KCNIP4: variants seen among roughly 807,000 people sequenced by gnomAD.
The protein encoded by KCNIP4 is Kv channel-interacting protein 4.
KCNIP4 carries 12 observed loss-of-function variants against 34.0 expected under a neutral mutation model. The ratio of observed to expected loss-of-function variants is 0.35; its 90% CI spans 0.23 to 0.57. The LOEUF (loss-of-function observed/expected upper bound fraction) is 0.57, where lower values mean the gene tolerates loss of function less well. Among genes scored for constraint, KCNIP4 ranks in the 20% least tolerant of loss-of-function variants. The probability of loss-of-function intolerance (pLI) is 0.83; values close to 1 mark genes in which losing one functional copy is unlikely to be tolerated. For synonymous variants in KCNIP4, 124 were observed against 102.2 expected, an observed-to-expected ratio of 1.21 and a Z score of -1.29; for missense variants, 238 against 311.7, an observed-to-expected ratio of 0.76 and a Z score of 1.78.
chr4:20,898,535 A>G (rs1301482881), intron 1 of KCNIP4, among the ~76,000 whole-genome samples: 2 of 152,190 alleles, frequency 1.3e-5, no homozygotes. Context: ...CATAGTACCT[A>G]TCATTATAAA....
At chr4:21,184,326 A>G (rs2109331139) in intron 1 of KCNIP4, among the ~76,000 whole-genome samples, 1 of 152,338 alleles carries the variant, frequency 6.6e-6, no homozygotes, top group Middle Eastern at 3.4e-3. Flanking sequence ...TTAGAATAAC[A>G]GTAAGAATCT....
At chr4:21,879,744 T>C (rs1030830661) in intron 1 of KCNIP4, among the ~76,000 whole-genome samples, 1 of 152,218 alleles carries the variant, frequency 6.6e-6, no homozygotes, top group Non-Finnish European at 1.5e-5. Flanking sequence ...TAATAATCTA[T>C]TGATATGGTT....
At chr4:21,858,136 C>A (rs1486374659) in intron 1 of KCNIP4, among the ~76,000 whole-genome samples, 1 of 152,224 alleles carries the variant, frequency 6.6e-6, no homozygotes, top group Admixed American at 6.5e-5. Context: ...TCACCCTTGG[C>A]AGATATGGGA....
intron 1 of KCNIP4, among the ~76,000 whole-genome samples, chr4:21,088,296 G>T (rs1023425864): frequency 3.3e-5 from 5 of 152,028 alleles, no homozygotes; most frequent in African/African-American, 1.2e-4. Context: ...CTAAAATTAA[G>T]TTAGTTGGTT....
chr4:21,208,476 C>G lies in KCNIP4; in HGVS notation c.62-325767G>C, dbSNP rs542345665. On this transcript the variant is annotated intron_variant, in intron 1 of 8. Transcript: ENST00000382152. ...TAACCTGGTCCTCTAAGTTTGGTAT[C>G]AAATCACATTTCCTTGATCTTCTAA... Among the ~76,000 whole-genome samples, 4 of 152,268 alleles carry G rather than the reference C, an allele frequency of 2.6e-5. No homozygotes were observed. The South Asian group carries it at 8.3e-4, about 32-fold the overall frequency.
intron 1 of KCNIP4, among the ~76,000 whole-genome samples, chr4:21,481,732 T>G (rs1011591748): frequency 6.6e-6 from 1 of 152,198 alleles, no homozygotes; most frequent in African/African-American, 2.4e-5. Context: ...ACGGGGCCAC[T>G]TGTGGCTCAT....
chr4:20,846,953 A>G (rs888222174), intron 3 of KCNIP4, among the ~76,000 whole-genome samples: 3 of 152,166 alleles, frequency 2.0e-5, no homozygotes, highest in Non-Finnish European at 4.4e-5. Flanking sequence ...AGCTCCCCAG[A>G]TGGTTGCAAC....
At chr4:21,265,527 T>C (rs1449521682) in intron 1 of KCNIP4, among the ~76,000 whole-genome samples, 1 of 152,184 alleles carries the variant, frequency 6.6e-6, no homozygotes, top group Non-Finnish European at 1.5e-5. Context: ...TTAAGCCAGG[T>C]AAGAATGACA....
chr4:20,833,789 G>A (rs1180700058), intron 3 of KCNIP4, among the ~76,000 whole-genome samples: 1 of 152,188 alleles, frequency 6.6e-6, no homozygotes, highest in Non-Finnish European at 1.5e-5. Flanking sequence ...TAAGGGCCCT[G>A]CAGACTGAAT....
At chr4:20,846,632 C>T (rs1254579333) in intron 3 of KCNIP4, among the ~76,000 whole-genome samples, 1 of 151,914 alleles carries the variant, frequency 6.6e-6, no homozygotes, top group African/African-American at 2.4e-5. Flanking sequence ...AAAATAAGAC[C>T]TCTTACCTCT....
chr4:21,062,767 T>C (rs371066908), intron 1 of KCNIP4, among the ~76,000 whole-genome samples: 177 of 152,140 alleles, frequency 1.2e-3, no homozygotes, highest in African/African-American at 4.1e-3. Context: ...ATGTTTCAGT[T>C]TGAATTTGAA....
At chr4:21,051,016 A>G (rs537806975) in intron 1 of KCNIP4, among the ~76,000 whole-genome samples, 2 of 152,328 alleles carry the variant, frequency 1.3e-5, no homozygotes, top group South Asian at 4.1e-4. Context: ...CTAAGCTTCC[A>G]TAACATGCAT....
chr4:21,632,873 A>G (rs1045926860), intron 1 of KCNIP4, among the ~76,000 whole-genome samples: 11 of 152,200 alleles, frequency 7.2e-5, no homozygotes, highest in African/African-American at 2.7e-4. Flanking sequence ...CCATGAAAGC[A>G]TTAAAAACTA....
At chr4:20,738,296 T>C (rs1396651865) in intron 5 of KCNIP4, among the ~76,000 whole-genome samples, 3 of 152,212 alleles carry the variant, frequency 2.0e-5, no homozygotes, top group Admixed American at 2.0e-4. Flanking sequence ...AGTAATAATA[T>C]GTCATTAATT....
intron 3 of KCNIP4, among the ~76,000 whole-genome samples, chr4:20,827,396 C>A (rs548268395): frequency 1.3e-5 from 2 of 152,126 alleles, no homozygotes; most frequent in Non-Finnish European, 2.9e-5. Flanking sequence ...TGGGAATGCA[C>A]GTCTCTCTGG....
At chr4:20,893,028 A>G (rs1031439672) in intron 1 of KCNIP4, among the ~76,000 whole-genome samples, 17 of 152,090 alleles carry the variant, frequency 1.1e-4, no homozygotes, top group Admixed American at 3.3e-4. Context: ...CTGCCAGTTT[A>G]TGGGAGTTGT....
At chr4:20,831,543 TATG>T (rs1167018282) in intron 3 of KCNIP4, among the ~76,000 whole-genome samples, 2 of 152,182 alleles carry the variant, frequency 1.3e-5, no homozygotes, top group Non-Finnish European at 2.9e-5. Context: ...CAGAAAGTGC[TATG>T]ATTAGCCAAA....
chr4:21,451,338 G>C (rs1246541046), intron 1 of KCNIP4, among the ~76,000 whole-genome samples: 3 of 152,104 alleles, frequency 2.0e-5, no homozygotes, highest in Non-Finnish European at 4.4e-5. Context: ...TATGATCACA[G>C]ACTCAAACAT....
In KCNIP4 at chr4:21,266,610, C is replaced by G. The variant is rs1991217; in HGVS notation, c.62-383901G>C. Among the ~76,000 whole-genome samples the G allele has an allele frequency of 5.9e-5, 9 of 152,302 alleles. No individual in the cohort carries two copies. The East Asian group carries it at 1.7e-3, about 29-fold the overall frequency. ...GAAGTAAAAAATGAGGACGTTTGAC[C>G]TAGGCTAAAGTGCATGTGGGGTGTA... On this transcript the variant is annotated intron_variant, in intron 1 of 8. Coordinates refer to ENST00000382152, the MANE Select transcript of KCNIP4 (RefSeq NM_025221.6).
Sources: allele counts gnomAD v4.1 joint callset (sites outside exome capture counted in the v4.1 genomes callset), GRCh38; gene constraint gnomAD v4.1.1; transcripts MANE v1.5; gene names NCBI Gene and HGNC (gene_info 2026-07-23, HGNC 2026-07-21).